Variants in POM121 observed in about 807,000 individuals in gnomAD.
The protein encoded by POM121 is nuclear envelope pore membrane protein POM 121.
Under a neutral mutation model 81.3 loss-of-function variants are expected in POM121, and 32 were observed. The ratio of observed to expected loss-of-function variants is 0.39; its 90% CI spans 0.30 to 0.53. The LOEUF (loss-of-function observed/expected upper bound fraction) is 0.53. Ranked by LOEUF, POM121 falls within the 20% of genes least tolerant of loss-of-function variation. The pLI, the probability that POM121 is intolerant of heterozygous loss-of-function variation, is 0.66. For missense variants in POM121, 1,138 were observed against 1,614.6 expected (o/e 0.70, Z 5.06); for synonymous variants, 514 against 694.2 (o/e 0.74, Z 4.08).
intron 3 of POM121, among the ~76,000 whole-genome samples, chr7:72,895,098 GA>G (rs1224307780): frequency 1.3e-5 from 2 of 152,194 alleles, no homozygotes; most frequent in Non-Finnish European, 2.9e-5. Flanking sequence ...AAAGTGTTGG[GA>G]TGACAGGCAT....
At chr7:72,909,173 C>T (rs1418209217) in intron 3 of POM121, among the ~76,000 whole-genome samples, 1 of 152,178 alleles carries the variant, frequency 6.6e-6, no homozygotes, top group African/African-American at 2.4e-5. Context: ...TAGCTGTTCC[C>T]TCTGTTCGGG....
chr7:72,879,969 G>A (rs1310990219), intron 1 of POM121: 1 of 413,100 alleles, frequency 2.4e-6, no homozygotes, highest in Non-Finnish European at 4.8e-6. Context: ...GTGGGGCAGA[G>A]GGAGCGTCCC....
In POM121 at chr7:72,938,638, T is replaced by G. The variant is rs782461775; in HGVS notation, c.1324T>G (p.Ser442Ala). 18 of 1,613,652 alleles carry G rather than the reference T, an allele frequency of 1.1e-5. No individual in the cohort carries two copies. The highest frequency in any genetic ancestry group is 2.2e-5 in the East Asian group (1 of 44,884). Residue 442 changes from serine to alanine, a missense_variant, in exon 6 of 13, where the codon TCC (serine) becomes GCC (alanine). This residue lies in a region of POM121 where 646 missense variants were observed against 633.5 expected (regional missense o/e 1.02). Coordinates refer to ENST00000434423, the MANE Select transcript of POM121 (RefSeq NM_001387691.1). ...TTCATCACCCTTCTCTAGCCCAGCC[T>G]CCTCCCGCTCCCAGACACCGGAGAG... ...PSSSPFSSPASSRSQTPERPA... is the reference protein window; with the variant it reads ...PSSSPFSSPAASRSQTPERPA...
chr7:72,943,481 T>G lies in POM121; in HGVS notation c.3488T>G (p.Phe1163Cys). ...GTTGQSTPFA[F>C]NVSSTTESKP... ...ACCGGCCAGAGCACACCGTTTGCCT[T>G]CAACGTGAGCAGCACAACTGAGAGC... The change falls in exon 11 of 13, where the codon TTC becomes TGC. Residue 1163 changes from phenylalanine to cysteine, a missense_variant. Phe to Cys is a radical substitution (Grantham distance 205). Transcript: ENST00000434423. 1 of 1,612,680 alleles carries G rather than the reference T, an allele frequency of 6.2e-7. No homozygotes were observed. The highest frequency in any genetic ancestry group is 1.1e-5 in the South Asian group (1 of 90,988).
At chr7:72,939,267 T>C in intron 6 of POM121, 69 bp from the exon 7 acceptor site, 1 of 1,569,150 alleles carries the variant, frequency 6.4e-7, no homozygotes, top group Non-Finnish European at 8.7e-7. Context: ...GTTAGGAGGG[T>C]GTGAGAAATT....
At chr7:72,935,501 T>C (rs1445348760) in intron 5 of POM121, among the ~76,000 whole-genome samples, 4 of 152,160 alleles carry the variant, frequency 2.6e-5, no homozygotes, top group African/African-American at 9.7e-5. Flanking sequence ...ATCATCTCTA[T>C]TTCTTCTCTG....
rs1554491224 is a variant in POM121 at position 72,893,532 on chromosome 7, G to A, written c.-216+2422G>A. 3.3e-5 allele frequency among the ~76,000 whole-genome samples: 5 copies of A among 152,076 alleles called. No homozygotes were observed. The South Asian group carries it at 6.2e-4, about 19-fold the overall frequency. ...CCGGGAGGCAGAGCTTGCAGTGAGC[G>A]GAGATCACACCGCTGCACTCCAGCC... On this transcript the variant is annotated intron_variant, in intron 3 of 15. Transcript: ENST00000395270.
chr7:72,906,803 C>G (rs1450894891), intron 3 of POM121, among the ~76,000 whole-genome samples: 1 of 144,178 alleles, frequency 6.9e-6, no homozygotes, highest in Non-Finnish European at 1.5e-5. Flanking sequence ...TTTTTTTTTT[C>G]TTTTTGTAGA....
intron 4 of POM121, among the ~76,000 whole-genome samples, chr7:72,919,274 C>T (rs762721478): frequency 1.1e-4 from 16 of 150,460 alleles, no homozygotes; most frequent in Non-Finnish European, 1.8e-4. Context: ...TCTTACTCTG[C>T]CCTTTTGCTG....
chr7:72,891,864 G>A (rs1280951998), intron 3 of POM121, among the ~76,000 whole-genome samples: 1 of 151,788 alleles, frequency 6.6e-6, no homozygotes, highest in Non-Finnish European at 1.5e-5. Flanking sequence ...ATTTCTTTAG[G>A]CATTCAGATA....
At chr7:72,949,974 A>G (rs782649624), downstream of POM121, 873 of 1,604,916 alleles carry the variant, frequency 5.4e-4, 3 homozygotes, top group Admixed American at 1.1e-3. Context: ...GGCAGGCAGA[A>G]CACAGGGGCC....
rs1182860215 is a variant in POM121, at chr7:72,890,932, G to C, written c.-393-1G>C. 34 of 1,196,944 alleles carry C rather than the reference G, an allele frequency of 2.8e-5. No homozygotes were observed. Among genetic ancestry groups the C allele is most frequent in the Middle Eastern group, 2.0e-4 (1 of 5,040 alleles). The allele number at this position is 1,196,944 out of a possible 1,614,324, so 74.1% of individuals were successfully genotyped here. A position where few individuals can be genotyped will look rare whatever the true frequency, so the allele number is the denominator to read the frequency against. On this transcript the variant is annotated splice_acceptor_variant, in intron 2 of 15. Transcript: ENST00000395270. LOFTEE classifies it low-confidence loss of function (5UTR_SPLICE). ...AAAAATGGAGCATTTCTGTTATGCA[G>C]CTTATGAGGTGGCAACATCTTGTAC...
intron 3 of POM121, among the ~76,000 whole-genome samples, chr7:72,897,823 C>T (rs1792117968): frequency 6.6e-6 from 1 of 152,098 alleles, no homozygotes; most frequent in Admixed American, 6.5e-5. Flanking sequence ...GAGTTCAAGG[C>T]TAGCCTGGGA....
chr7:72,919,857 C>G (rs1284399758), intron 4 of POM121, among the ~76,000 whole-genome samples: 1 of 152,174 alleles, frequency 6.6e-6, no homozygotes, highest in East Asian at 1.9e-4. Context: ...CTTTAAAGAT[C>G]AAGTTGCACT....
chr7:72,889,684 A>G (rs1397076303), intron 1 of POM121, among the ~76,000 whole-genome samples: 3 of 152,188 alleles, frequency 2.0e-5, no homozygotes, highest in African/African-American at 7.2e-5. Context: ...TTTTTAAAAA[A>G]ATTTTTATTT....
At chr7:72,932,093 C>T (rs1449687886) in intron 5 of POM121, among the ~76,000 whole-genome samples, 1 of 149,284 alleles carries the variant, frequency 6.7e-6, no homozygotes, top group African/African-American at 2.5e-5. Context: ...TTGAAAGTTA[C>T]AGGGATTTCT....
chr7:72,938,873 C>T (rs1181076242), intron 6 of POM121, among the ~76,000 whole-genome samples, 192 bp downstream of exon 6: 2 of 152,220 alleles, frequency 1.3e-5, no homozygotes, highest in African/African-American at 2.4e-5. Context: ...ATACTGACTC[C>T]AGTGGCCTCT....
downstream of POM121, chr7:72,950,144 T>C: frequency 6.2e-7 from 1 of 1,605,662 alleles, no homozygotes; most frequent in Non-Finnish European, 8.5e-7. Flanking sequence ...AGCTCCGGCA[T>C]CAAGGGGTCC....
At chr7:72,920,555 C>G (rs578224240), upstream of POM121, among the ~76,000 whole-genome samples, 1 of 151,972 alleles carries the variant, frequency 6.6e-6, no homozygotes, top group Non-Finnish European at 1.5e-5. Context: ...GGGGTTTCAC[C>G]ATGTTAGCCA....
Sources: gnomAD v4.1 joint callset for allele counts (sites outside exome capture counted in the v4.1 genomes callset) on GRCh38, gnomAD v4.1.1 for gene constraint, gnomAD v4.1.1 regional missense constraint, MANE v1.5 for transcripts, NCBI Gene and HGNC (gene_info 2026-07-23, HGNC 2026-07-21) for gene names.